FGF14: variants seen among roughly 807,000 people sequenced by gnomAD.
FGF14 encodes the protein fibroblast growth factor homologous factor 4.
A neutral mutation model predicts 25.5 loss-of-function variants in FGF14; 5 were observed. That is an observed-to-expected ratio of 0.20 (90% CI 0.10 to 0.41). FGF14 has a LOEUF of 0.41. Among genes scored for constraint, FGF14 ranks in the 10% least tolerant of loss-of-function variants. FGF14 has a pLI of 1.00. For synonymous variants in FGF14, 138 were observed against 118.3 expected, an observed-to-expected ratio of 1.17 and a Z score of -1.08; for missense variants, 222 against 320.1, an observed-to-expected ratio of 0.69 and a Z score of 2.34.
rs1452394617 is a variant in FGF14, at chr13:101,916,800, C to A, written c.-155G>T. 1.3e-5 allele frequency among the ~76,000 whole-genome samples: 2 copies of A among 152,130 alleles called. No homozygotes were observed. Among genetic ancestry groups the A allele is most frequent in the Non-Finnish European group, 2.9e-5 (2 of 68,006 alleles). The stretch of plus-strand genomic sequence containing the variant: ...GGGGAGAGGGGAAGGGGGGCTCAGT[C>A]CTGACCGGGACCCATCGCCCTCTCC... On this transcript the variant is annotated 5_prime_UTR_variant, in exon 1 of 5. Coordinates refer to ENST00000376143, the MANE Select transcript of FGF14 (RefSeq NM_004115.4).
In FGF14 at chr13:102,187,249, G is replaced by GGGCTATA. The variant is rs1397378614; in HGVS notation, c.208+214221_208+214222insTATAGCC. ...GGCCCAGATAACCCAGACATGCATA[G>GGGCTATA]ATTACTTTTTTAGGGCTATAATCAA... On this transcript the variant is annotated intron_variant, in intron 1 of 4. Transcript: ENST00000376131. Among the ~76,000 whole-genome samples, 4 of 152,282 alleles carry GGGCTATA rather than the reference G, an allele frequency of 2.6e-5. No homozygotes were observed. In the East Asian group the frequency reaches 7.7e-4, roughly 29 times the overall value.
intron 1 of FGF14, among the ~76,000 whole-genome samples, chr13:102,206,933 C>A (rs953803256): frequency 6.6e-6 from 1 of 152,036 alleles, no homozygotes; most frequent in Non-Finnish European, 1.5e-5. Flanking sequence ...CCACTGACTA[C>A]CTAAATGTCA....
chr13:101,984,062 C>G (rs2038422728), intron 1 of FGF14, among the ~76,000 whole-genome samples: 1 of 152,168 alleles, frequency 6.6e-6, no homozygotes, highest in Admixed American at 6.6e-5. Context: ...TTTCAGCCTT[C>G]CCATTCATAT....
intron 1 of FGF14, among the ~76,000 whole-genome samples, chr13:101,886,327 C>G (rs915803127): frequency 3.9e-5 from 6 of 152,116 alleles, no homozygotes; most frequent in African/African-American, 1.2e-4. Flanking sequence ...CTGCATGATA[C>G]TGGCATAAAA....
intron 3 of FGF14, among the ~76,000 whole-genome samples, chr13:101,753,746 T>C (rs972146164): frequency 1.9e-4 from 28 of 150,226 alleles, no homozygotes; most frequent in African/African-American, 5.9e-4. Flanking sequence ...CAGGTTGCAG[T>C]GAGCTGAGAT....
chr13:101,871,403 G>A (rs1319241688), intron 2 of FGF14, among the ~76,000 whole-genome samples: 3 of 152,024 alleles, frequency 2.0e-5, no homozygotes, highest in African/African-American at 7.2e-5. Flanking sequence ...GAATTTTTTT[G>A]AAAAGCTCCT....
intron 1 of FGF14, among the ~76,000 whole-genome samples, chr13:102,079,030 G>A (rs914460617): frequency 2.0e-5 from 3 of 152,190 alleles, no homozygotes; most frequent in Admixed American, 6.5e-5. Flanking sequence ...TCTTCAGACA[G>A]TGTTGGATTT....
chr13:102,306,456 A>G (rs1383458995), intron 1 of FGF14, among the ~76,000 whole-genome samples: 1 of 152,180 alleles, frequency 6.6e-6, no homozygotes, highest in Non-Finnish European at 1.5e-5. Context: ...TCTGGAAAAA[A>G]TAGGTACTAA....
chr13:101,752,059 T>C (rs1167388307), intron 3 of FGF14, among the ~76,000 whole-genome samples: 1 of 152,196 alleles, frequency 6.6e-6, no homozygotes, highest in Non-Finnish European at 1.5e-5. Context: ...ATATTCATGT[T>C]GATTCATTAA....
At chr13:102,091,117 T>C (rs1440452110) in intron 1 of FGF14, among the ~76,000 whole-genome samples, 1 of 152,190 alleles carries the variant, frequency 6.6e-6, no homozygotes, top group Non-Finnish European at 1.5e-5. Flanking sequence ...ACTAATAGTA[T>C]AATATGCAAA....
chr13:101,959,133 C>T (rs764397510), intron 1 of FGF14, among the ~76,000 whole-genome samples: 1 of 152,158 alleles, frequency 6.6e-6, no homozygotes, highest in Admixed American at 6.5e-5. Flanking sequence ...GAGTGCACAA[C>T]CTAGATCCCT....
At chr13:102,327,041 A>C (rs1377685177) in intron 1 of FGF14, among the ~76,000 whole-genome samples, 3 of 152,220 alleles carry the variant, frequency 2.0e-5, no homozygotes, top group Non-Finnish European at 4.4e-5. Context: ...GCCCAAATTG[A>C]AACAAGTTAA....
At chr13:102,174,421 C>T (rs1168331937) in intron 1 of FGF14, among the ~76,000 whole-genome samples, 1 of 151,946 alleles carries the variant, frequency 6.6e-6, no homozygotes, top group East Asian at 1.9e-4. Flanking sequence ...CCACCTCAGC[C>T]TCCCAAAGTG....
intron 1 of FGF14, among the ~76,000 whole-genome samples, chr13:102,192,338 G>T (rs1419020778): frequency 6.6e-6 from 1 of 152,100 alleles, no homozygotes; most frequent in East Asian, 1.9e-4. Context: ...TTGTATAATT[G>T]ATCTCTATTC....
At chr13:102,093,205 C>CTTAAG (rs10649589) in intron 1 of FGF14, among the ~76,000 whole-genome samples, 58,853 of 151,666 alleles carry the variant, frequency 0.39, 13,376 homozygotes, top group Non-Finnish European at 0.51. Context: ...AAAAAAAATT[C>CTTAAG]TTAGGTGTGC....
At chr13:102,317,557 C>CT (rs1345451940) in intron 1 of FGF14, among the ~76,000 whole-genome samples, 1 of 152,106 alleles carries the variant, frequency 6.6e-6, no homozygotes, top group Non-Finnish European at 1.5e-5. Flanking sequence ...TACTCTATAG[C>CT]TTTGAGACAT....
chr13:102,071,785 A>G (rs1270209747), intron 1 of FGF14, among the ~76,000 whole-genome samples: 1 of 152,148 alleles, frequency 6.6e-6, no homozygotes, highest in Non-Finnish European at 1.5e-5. Context: ...TCTGTTTTTC[A>G]TCATTCAAGA....
Position 101,710,927 on chromosome 13 carries a change from C to G in FGF14, c.*11904G>C, listed in dbSNP as rs1349529174. 1 of 152,112 alleles carries G rather than the reference C, an allele frequency of 6.6e-6. No homozygotes were observed. The highest frequency in any genetic ancestry group is 1.5e-5 in the Non-Finnish European group (1 of 68,018). 9.4% of individuals were successfully genotyped at this position (152,112 alleles called of 1,614,324 possible). On this transcript the variant is annotated 3_prime_UTR_variant, in exon 5 of 5. Coordinates refer to ENST00000376143, the MANE Select transcript of FGF14 (RefSeq NM_004115.4). The stretch of plus-strand genomic sequence containing the variant: ...TTCATAACAGATGGAGTAGTTAGTA[C>G]AATAGTGAAAACTGCCTGCTGGGAT...
intron 3 of FGF14, among the ~76,000 whole-genome samples, chr13:101,835,622 C>T (rs564332516): frequency 6.6e-6 from 1 of 151,924 alleles, no homozygotes. Context: ...GTGCTAACCC[C>T]CCTAAACAGG....
Sources: allele counts gnomAD v4.1 joint callset (sites outside exome capture counted in the v4.1 genomes callset), GRCh38; gene constraint gnomAD v4.1.1; transcripts MANE v1.5; gene names NCBI Gene and HGNC (gene_info 2026-07-23, HGNC 2026-07-21).